The following MRAP2 variants were observed in gnomAD, a reference collection of about 807,000 sequenced individuals.
MRAP2 encodes melanocortin 2 receptor accessory protein 2, also known as melanocortin-2 receptor accessory protein 2.
MRAP2 carries 20 observed loss-of-function variants against 17.4 expected under a neutral mutation model. That is an observed-to-expected ratio of 1.15 (90% CI 0.81 to 1.67). MRAP2 has a LOEUF of 1.67. Ranked by LOEUF, MRAP2 falls within the 40% of genes most tolerant of loss-of-function variation. The probability of loss-of-function intolerance (pLI) is 0.00; values close to 1 mark genes in which losing one functional copy is unlikely to be tolerated. For missense variants in MRAP2, 238 were observed against 240.0 expected (o/e 0.99, Z 0.05); for synonymous variants, 96 against 88.4 (o/e 1.09, Z -0.48).
intron 3 of MRAP2, among the ~76,000 whole-genome samples, chr6:84,076,329 T>C (rs2099497603): frequency 6.6e-6 from 1 of 152,084 alleles, no homozygotes; most frequent in Non-Finnish European, 1.5e-5. Context: ...GTTCAAGTGA[T>C]TCTCCTGCCT....
At chr6:84,129,321 A>G in the MRAP2 span, among the ~76,000 whole-genome samples, 1 of 152,138 alleles carries the variant, frequency 6.6e-6, no homozygotes, top group Non-Finnish European at 1.5e-5. Flanking sequence ...GTGTAAAAGC[A>G]TTCCTATTTC....
At chr6:84,049,992 G>A (rs2099490021) in intron 1 of MRAP2, among the ~76,000 whole-genome samples, 1 of 152,018 alleles carries the variant, frequency 6.6e-6, no homozygotes, top group South Asian at 2.1e-4. Flanking sequence ...ATGTGTGTGT[G>A]TGTGTACGTG....
chr6:84,088,472 A>G (rs181550035), intron 3 of MRAP2, among the ~76,000 whole-genome samples: 76 of 152,320 alleles, frequency 5.0e-4, no homozygotes, highest in African/African-American at 1.8e-3. Context: ...CTAAGTGGGC[A>G]ATTTGACTGC....
Position 84,085,824 on chromosome 6 carries a change from A to AT in MRAP2, c.228-3263dup, listed in dbSNP as rs112823687. 6.4e-3 allele frequency among the ~76,000 whole-genome samples: 976 copies of AT among 152,264 alleles called. 14 individuals are homozygous for AT. The highest frequency in any genetic ancestry group is 0.022 in the African/African-American group (921 of 41,534). On this transcript the variant is annotated intron_variant, in intron 3 of 3. Transcript: ENST00000257776. ...TCAGGAAGAGCTTGCCAAAAACAGA[A>AT]TTTTATAGTTCCAAGAGAGATGCAG...
At position 84,071,871 on chromosome 6, in the gene MRAP2, TCA is replaced by T. The variant is rs1358757889; in HGVS notation, c.227+8880_227+8881del. On this transcript the variant is annotated intron_variant, in intron 3 of 3. Coordinates refer to ENST00000257776, the MANE Select transcript of MRAP2 (RefSeq NM_138409.4). The stretch of plus-strand genomic sequence containing the variant: ...TCTTCTACTTGTTCAATTCTATTGC[TCA>T]GACTTTCCAGAGCATTTTCCATTTC... Among the ~76,000 whole-genome samples, 12 of 152,172 alleles carry T rather than the reference TCA, an allele frequency of 7.9e-5. 1 individual carries two copies. Among genetic ancestry groups the T allele is most frequent in the Non-Finnish European group, 1.5e-5 (1 of 68,044 alleles).
intron 3 of MRAP2, among the ~76,000 whole-genome samples, chr6:84,064,812 A>G (rs1562881886): frequency 6.6e-6 from 1 of 152,126 alleles, no homozygotes; most frequent in Non-Finnish European, 1.5e-5. Flanking sequence ...TATATTCAGT[A>G]TCTCATTTTT....
rs79766673 is a variant in MRAP2 at position 84,079,821 on chromosome 6, A to G, written c.228-9270A>G. Among the ~76,000 whole-genome samples the G allele has an allele frequency of 8.8e-3, 1,336 of 152,382 alleles. 23 individuals are homozygous for G. Among genetic ancestry groups the G allele is most frequent in the African/African-American group, 0.03 (1,229 of 41,596 alleles). On this transcript the variant is annotated intron_variant, in intron 3 of 3. Transcript: ENST00000257776. Reference sequence around the variant, plus strand: ...TAATTATCCTTGGCTACAAGGGTTAATAACAAAGGTGGCATCAGTCAAGAT... The same window carrying G: ...TAATTATCCTTGGCTACAAGGGTTAGTAACAAAGGTGGCATCAGTCAAGAT...
chr6:84,130,870 A>G, the MRAP2 span, among the ~76,000 whole-genome samples: 1 of 151,630 alleles, frequency 6.6e-6, no homozygotes, highest in Non-Finnish European at 1.5e-5. Flanking sequence ...CTCTGCTCTG[A>G]TCTTAGTTAT....
intron 3 of MRAP2, among the ~76,000 whole-genome samples, chr6:84,087,620 AAAG>A (rs1328263360): frequency 1.3e-5 from 2 of 152,216 alleles, no homozygotes; most frequent in Non-Finnish European, 2.9e-5. Context: ...ACAGAAAGAC[AAAG>A]AAGACCATGT....
chr6:84,045,311 C>G (rs2099488687), intron 1 of MRAP2: 1 of 985,298 alleles, frequency 1.0e-6, no homozygotes, highest in Non-Finnish European at 1.2e-6. Flanking sequence ...GCTGATGAGG[C>G]TGCGAGGGCA....
chr6:84,123,865 A>G, the MRAP2 span, among the ~76,000 whole-genome samples: 1 of 152,204 alleles, frequency 6.6e-6, no homozygotes, highest in East Asian at 1.9e-4. Flanking sequence ...AACTAAAACA[A>G]TAAGAAAAAC....
chr6:84,142,355 T>G, the MRAP2 span, among the ~76,000 whole-genome samples: 1 of 152,246 alleles, frequency 6.6e-6, no homozygotes, highest in African/African-American at 2.4e-5. Flanking sequence ...AACTTTAAAA[T>G]GAAAGCTATA....
At chr6:84,067,058 C>T (rs958206488) in intron 3 of MRAP2, among the ~76,000 whole-genome samples, 31 of 152,008 alleles carry the variant, frequency 2.0e-4, no homozygotes, top group African/African-American at 6.3e-4. Flanking sequence ...CCCCCAAGCC[C>T]CCACAGTCCA....
the MRAP2 span, among the ~76,000 whole-genome samples, chr6:84,110,304 T>C: frequency 6.6e-6 from 1 of 152,240 alleles, no homozygotes; most frequent in Non-Finnish European, 1.5e-5. Context: ...AGATGGTATC[T>C]CATTGTGGTT....
chr6:84,121,343 C>T, the MRAP2 span, among the ~76,000 whole-genome samples: 1 of 152,108 alleles, frequency 6.6e-6, no homozygotes, highest in Non-Finnish European at 1.5e-5. Flanking sequence ...AAAAGGAACT[C>T]TCAAAACTGC....
intron 3 of MRAP2, among the ~76,000 whole-genome samples, chr6:84,083,113 C>T (rs1362605415): frequency 2.6e-5 from 4 of 152,098 alleles, no homozygotes; most frequent in Admixed American, 6.5e-5. Flanking sequence ...TTTCATGCCC[C>T]TTTGTTCAAG....
downstream of MRAP2, among the ~76,000 whole-genome samples, chr6:84,094,657 C>A (rs2099502350): frequency 6.6e-6 from 1 of 152,100 alleles, no homozygotes; most frequent in Non-Finnish European, 1.5e-5. Flanking sequence ...CATATTTCTA[C>A]CAATAGTCTG....
At chr6:84,064,986 G>GA (rs560820476) in intron 3 of MRAP2, among the ~76,000 whole-genome samples, 114 of 152,052 alleles carry the variant, frequency 7.5e-4, no homozygotes, top group Non-Finnish European at 8.7e-4. Flanking sequence ...GGGCTAGGAA[G>GA]AAAAAAATGT....
the MRAP2 span, among the ~76,000 whole-genome samples, chr6:84,130,115 T>G: frequency 6.6e-6 from 1 of 152,222 alleles, no homozygotes; most frequent in Non-Finnish European, 1.5e-5. Context: ...TCTATAGAGA[T>G]AATCATATGG....
Sources: allele counts gnomAD v4.1 joint callset (sites outside exome capture counted in the v4.1 genomes callset), GRCh38; gene constraint gnomAD v4.1.1; transcripts MANE v1.5; gene names NCBI Gene and HGNC (gene_info 2026-07-23, HGNC 2026-07-21).